SCHIP1: variants seen among roughly 807,000 people sequenced by gnomAD.
The protein encoded by SCHIP1 is schwannomin interacting protein 1, also known as schwannomin-interacting protein 1.
In SCHIP1, 8 loss-of-function variants were observed where a neutral mutation model predicts 29.7. The observed-to-expected ratio is 0.27, with a 90% CI of 0.16 to 0.49. The LOEUF is 0.49. Ranked by LOEUF, SCHIP1 falls within the 20% of genes least tolerant of loss-of-function variation. The pLI, the probability that SCHIP1 is intolerant of heterozygous loss-of-function variation, is 0.99. For synonymous variants in SCHIP1, 76 were observed against 94.9 expected (o/e 0.80, Z 1.16); for missense variants, 193 against 294.6 (o/e 0.66, Z 2.52).
At chr3:159,364,356 A>C in the SCHIP1 span, among the ~76,000 whole-genome samples, 1 of 152,216 alleles carries the variant, frequency 6.6e-6, no homozygotes, top group Non-Finnish European at 1.5e-5. Flanking sequence ...GTGGCCTAGA[A>C]TATATGGATT....
At chr3:159,284,863 G>T in the SCHIP1 span, among the ~76,000 whole-genome samples, 1 of 151,944 alleles carries the variant, frequency 6.6e-6, no homozygotes, top group Non-Finnish European at 1.5e-5. Context: ...TAATTTATTT[G>T]TTTTGATGAA....
At chr3:159,823,766 T>C in the SCHIP1 span, among the ~76,000 whole-genome samples, 7 of 152,318 alleles carry the variant, frequency 4.6e-5, no homozygotes, top group South Asian at 1.5e-3. Context: ...GCTTCATGGG[T>C]ATGTGACCTC....
At chr3:159,676,764 C>A in the SCHIP1 span, among the ~76,000 whole-genome samples, 1 of 152,172 alleles carries the variant, frequency 6.6e-6, no homozygotes, top group Admixed American at 6.5e-5. Context: ...GGGCTGTATG[C>A]TCCAAGCTCC....
the SCHIP1 span, among the ~76,000 whole-genome samples, chr3:159,697,783 C>T: frequency 1.3e-5 from 2 of 151,836 alleles, no homozygotes; most frequent in African/African-American, 4.8e-5. Context: ...CGAATAATAA[C>T]TACTTTGAAG....
chr3:159,528,597 C>G, the SCHIP1 span, among the ~76,000 whole-genome samples: 3 of 152,186 alleles, frequency 2.0e-5, no homozygotes, highest in Non-Finnish European at 4.4e-5. Flanking sequence ...AGACCTCTCT[C>G]TCTTGAAATC....
the SCHIP1 span, among the ~76,000 whole-genome samples, chr3:159,713,185 G>A: frequency 2.2e-5 from 2 of 90,826 alleles, no homozygotes; most frequent in Non-Finnish European, 2.2e-5. Context: ...GAAAGAAAAA[G>A]GAAAGAAAGA....
chr3:159,619,300 GAGAAATC>G, the SCHIP1 span, among the ~76,000 whole-genome samples: 4 of 152,172 alleles, frequency 2.6e-5, no homozygotes, highest in Non-Finnish European at 5.9e-5. Flanking sequence ...TGGAAATAAA[GAGAAATC>G]TTCAGTGTCA....
the SCHIP1 span, among the ~76,000 whole-genome samples, chr3:159,582,108 T>A: frequency 2.0e-5 from 3 of 152,142 alleles, no homozygotes; most frequent in Non-Finnish European, 2.9e-5. Context: ...CAAAATTCAG[T>A]CTATGATCTA....
At chr3:159,740,645 T>C in the SCHIP1 span, among the ~76,000 whole-genome samples, 1 of 151,920 alleles carries the variant, frequency 6.6e-6, no homozygotes, top group African/African-American at 2.4e-5. Flanking sequence ...CAAGTGGTCT[T>C]ATTTTACTAT....
At chr3:159,758,124 AAAAAG>A in the SCHIP1 span, among the ~76,000 whole-genome samples, 1 of 152,168 alleles carries the variant, frequency 6.6e-6, no homozygotes, top group Non-Finnish European at 1.5e-5. Context: ...AATGAAGCTC[AAAAAG>A]TAAGTTCAGA....
At chr3:159,628,458 C>A in the SCHIP1 span, among the ~76,000 whole-genome samples, 1 of 152,024 alleles carries the variant, frequency 6.6e-6, no homozygotes, top group African/African-American at 2.4e-5. Context: ...TGGAAGCTGA[C>A]GTACAAGTGA....
chr3:159,372,246 T>A, the SCHIP1 span, among the ~76,000 whole-genome samples: 1 of 152,094 alleles, frequency 6.6e-6, no homozygotes, highest in African/African-American at 2.4e-5. Flanking sequence ...CCATGCTATA[T>A]TTCTCAAGTG....
the SCHIP1 span, among the ~76,000 whole-genome samples, chr3:159,806,936 TA>T: frequency 6.6e-6 from 1 of 152,232 alleles, no homozygotes; most frequent in African/African-American, 2.4e-5. Flanking sequence ...CATTGTGCCC[TA>T]AAGTATTGTA....
the SCHIP1 span, among the ~76,000 whole-genome samples, chr3:159,451,239 G>A: frequency 7.9e-5 from 12 of 152,208 alleles, no homozygotes; most frequent in Non-Finnish European, 2.9e-5. Flanking sequence ...TAAAGTACAC[G>A]TGGGTGGTTA....
chr3:159,434,054 CTTAT>C, the SCHIP1 span, among the ~76,000 whole-genome samples: 1 of 152,114 alleles, frequency 6.6e-6, no homozygotes, highest in Admixed American at 6.6e-5. Flanking sequence ...GAGTGCATGT[CTTAT>C]TTATCTCTTT....
chr3:159,598,630 T>C, the SCHIP1 span, among the ~76,000 whole-genome samples: 10 of 152,216 alleles, frequency 6.6e-5, no homozygotes, highest in African/African-American at 2.4e-4. Flanking sequence ...TGCACCTGCC[T>C]TCACAGACTG....
At chr3:159,738,710 GGAGA>G in the SCHIP1 span, among the ~76,000 whole-genome samples, 48 of 152,228 alleles carry the variant, frequency 3.2e-4, no homozygotes, top group South Asian at 1.2e-3. Flanking sequence ...ATTCCAGAGA[GGAGA>G]GAGAGAGACA....
At chr3:159,313,833 A>C in the SCHIP1 span, among the ~76,000 whole-genome samples, 1 of 152,084 alleles carries the variant, frequency 6.6e-6, no homozygotes, top group Non-Finnish European at 1.5e-5. Context: ...CTTGTTTTCT[A>C]TCACCTTAAC....
the SCHIP1 span, among the ~76,000 whole-genome samples, chr3:159,655,059 G>A: frequency 5.3e-5 from 8 of 152,296 alleles, no homozygotes; most frequent in South Asian, 4.1e-4. Context: ...TAGTCATTAA[G>A]AAGATGAGTT....
Sources: gnomAD v4.1 joint callset for allele counts (sites outside exome capture counted in the v4.1 genomes callset) on GRCh38, gnomAD v4.1.1 for gene constraint, MANE v1.5 for transcripts, NCBI Gene and HGNC (gene_info 2026-07-23, HGNC 2026-07-21) for gene names.